The following PCDHA3 variants were observed in gnomAD, a reference collection of about 807,000 sequenced individuals.
The protein encoded by PCDHA3 is protocadherin alpha 3, also known as protocadherin alpha-3.
A neutral mutation model predicts 62.2 loss-of-function variants in PCDHA3; 41 were observed. That is an observed-to-expected ratio of 0.66 (90% CI 0.51 to 0.86). PCDHA3 has a LOEUF of 0.86. Ranked by LOEUF, PCDHA3 falls within the 40% of genes least tolerant of loss-of-function variation. PCDHA3 has a pLI of 0.00. For synonymous variants in PCDHA3, 640 were observed against 555.4 expected (o/e 1.15, Z -2.14); for missense variants, 1,304 against 1,241.2 (o/e 1.05, Z -0.76).
At chr5:140,880,297 AG>A (rs1554171244) in intron 1 of PCDHA3, among the ~76,000 whole-genome samples, 1 of 152,250 alleles carries the variant, frequency 6.6e-6, no homozygotes, top group Admixed American at 6.5e-5. Context: ...TCATAGTGTG[AG>A]TGAAAGAAAC....
At chr5:140,880,926 G>C (rs1554171610) in intron 1 of PCDHA3, among the ~76,000 whole-genome samples, 1 of 152,192 alleles carries the variant, frequency 6.6e-6, no homozygotes, top group African/African-American at 2.4e-5. Context: ...TACTATGTTA[G>C]TAAAAGTAAT....
intron 1 of PCDHA3, among the ~76,000 whole-genome samples, chr5:140,907,316 A>G (rs2073307783): frequency 6.6e-6 from 1 of 152,194 alleles, no homozygotes; most frequent in African/African-American, 2.4e-5. Flanking sequence ...GAACATGTAA[A>G]GACCAGTGAA....
At chr5:140,822,534 T>C (rs2150117075) in intron 1 of PCDHA3, 3 of 1,613,922 alleles carry the variant, frequency 1.9e-6, no homozygotes, top group East Asian at 2.2e-5. Context: ...TGTTGGAAAA[T>C]GCACCAAGTG....
At chr5:140,871,183 G>A (rs782647681) in intron 1 of PCDHA3, 2 of 1,613,586 alleles carry the variant, frequency 1.2e-6, no homozygotes, top group South Asian at 2.2e-5. Flanking sequence ...TGCGCTGGTG[G>A]ATGTCAACGT....
intron 1 of PCDHA3, chr5:140,857,903 A>C (rs1554150826): frequency 6.3e-7 from 1 of 1,597,806 alleles, no homozygotes; most frequent in East Asian, 2.2e-5. Context: ...TGGTGCACGC[A>C]TCCCGTTTCG....
intron 3 of PCDHA3, among the ~76,000 whole-genome samples, chr5:141,006,373 G>A (rs550999366): frequency 1.1e-4 from 17 of 151,910 alleles, no homozygotes; most frequent in African/African-American, 3.1e-4. Context: ...CACCACGCCC[G>A]GCTAAGTTTT....
intron 1 of PCDHA3, chr5:140,829,962 T>A (rs2150178663): frequency 1.2e-6 from 2 of 1,613,904 alleles, no homozygotes. Context: ...CCGTTTCGCG[T>A]GGGGCTGTAC....
chr5:140,842,516 T>A (rs530202531), intron 1 of PCDHA3: 1 of 1,613,504 alleles, frequency 6.2e-7, no homozygotes, highest in African/African-American at 1.3e-5. Context: ...CAAGCTGGTG[T>A]CCACCTTCAA....
chr5:140,824,282 T>C, intron 1 of PCDHA3: 1 of 1,076,050 alleles, frequency 9.3e-7, no homozygotes, highest in Non-Finnish European at 1.4e-6. Context: ...ATATGCTTTT[T>C]ATGAGGCTTT....
chr5:140,896,366 C>T (rs905088200), intron 1 of PCDHA3, among the ~76,000 whole-genome samples: 1 of 152,090 alleles, frequency 6.6e-6, no homozygotes, highest in Non-Finnish European at 1.5e-5. Context: ...TATAAGCATT[C>T]CCTTTTCTCT....
At chr5:140,805,523 A>T in intron 1 of PCDHA3, 1 of 986,824 alleles carries the variant, frequency 1.0e-6, no homozygotes, top group Non-Finnish European at 1.2e-6. Context: ...TTGTTTAGAC[A>T]AACAGGATGA....
chr5:140,842,261 A>G (rs2150332955), intron 1 of PCDHA3: 25 of 1,610,966 alleles, frequency 1.6e-5, no homozygotes, highest in Non-Finnish European at 2.1e-5. Flanking sequence ...TGAACAAGAA[A>G]ACTTATACAA....
intron 1 of PCDHA3, among the ~76,000 whole-genome samples, chr5:140,845,922 T>A (rs782092112): frequency 6.7e-6 from 1 of 149,778 alleles, no homozygotes; most frequent in Non-Finnish European, 1.5e-5. Flanking sequence ...CTTATTTTTG[T>A]GTAAAACTAT....
intron 1 of PCDHA3, chr5:140,829,370 G>T (rs1770253952): frequency 1.2e-6 from 2 of 1,614,088 alleles, no homozygotes; most frequent in African/African-American, 1.3e-5. Context: ...GGTGGTAACC[G>T]CGCGGGACGG....
intron 1 of PCDHA3, chr5:140,828,967 C>G (rs1203175896): frequency 4.3e-6 from 7 of 1,614,068 alleles, no homozygotes; most frequent in Non-Finnish European, 5.9e-6. Context: ...TTATTGACCA[C>G]TTTAGCATAG....
chr5:140,822,341 AC>A (rs2150115661), intron 1 of PCDHA3: 5 of 1,614,128 alleles, frequency 3.1e-6, no homozygotes, highest in Non-Finnish European at 4.2e-6. Context: ...GAAGAAACGA[AC>A]TTTTTAGAGC....
intron 1 of PCDHA3, among the ~76,000 whole-genome samples, chr5:140,820,358 G>C (rs1243273378): frequency 2.0e-5 from 3 of 151,858 alleles, no homozygotes; most frequent in Non-Finnish European, 2.9e-5. Flanking sequence ...AATTTCCTCT[G>C]ACTTTGCATT....
intron 1 of PCDHA3, among the ~76,000 whole-genome samples, chr5:140,956,385 T>C (rs1313427005): frequency 6.6e-6 from 1 of 152,198 alleles, no homozygotes; most frequent in Non-Finnish European, 1.5e-5. Flanking sequence ...ATCGAAGGCC[T>C]TTTCTGAATC....
chr5:140,826,786 A>G (rs1293254665), intron 1 of PCDHA3, among the ~76,000 whole-genome samples: 1 of 152,198 alleles, frequency 6.6e-6, no homozygotes, highest in Admixed American at 6.5e-5. Flanking sequence ...AATAACCTGC[A>G]AAAAGTTGAT....
Sources: allele counts gnomAD v4.1 joint callset (sites outside exome capture counted in the v4.1 genomes callset), GRCh38; gene constraint gnomAD v4.1.1; transcripts MANE v1.5; gene names NCBI Gene and HGNC (gene_info 2026-07-23, HGNC 2026-07-21).